The following CRYBB2 variants were observed in gnomAD, a reference collection of about 807,000 sequenced individuals.
CRYBB2 encodes the protein crystallin beta B2, also known as beta-crystallin B2.
A neutral mutation model predicts 24.3 loss-of-function variants in CRYBB2; 12 were observed. The ratio of observed to expected loss-of-function variants is 0.49; its 90% CI spans 0.32 to 0.80. The LOEUF (loss-of-function observed/expected upper bound fraction) is 0.80. Ranked by LOEUF, CRYBB2 falls within the 30% of genes least tolerant of loss-of-function variation. The pLI is 0.04. For synonymous variants in CRYBB2, 98 were observed against 101.6 expected (o/e 0.96, Z 0.21); for missense variants, 198 against 268.5 (o/e 0.74, Z 1.83).
upstream of CRYBB2, among the ~76,000 whole-genome samples, chr22:25,217,959 C>G (rs1935198542): frequency 6.6e-6 from 1 of 151,978 alleles, no homozygotes; most frequent in Non-Finnish European, 1.5e-5. Flanking sequence ...GGTGTGTGCA[C>G]TAAAGAAACA....
chr22:25,217,109 C>A (rs956260472), upstream of CRYBB2, among the ~76,000 whole-genome samples: 1 of 151,810 alleles, frequency 6.6e-6, no homozygotes, highest in African/African-American at 2.4e-5. Flanking sequence ...CTTCAATTCC[C>A]TGCTTTCAAT....
chr22:25,218,316 G>A (rs1484008306), upstream of CRYBB2, among the ~76,000 whole-genome samples: 3 of 150,666 alleles, frequency 2.0e-5, no homozygotes, highest in Non-Finnish European at 3.0e-5. Context: ...ATGTGGCAGC[G>A]ATGGGGCCAG....
chr22:25,218,236 GC>G (rs1438652243), upstream of CRYBB2, among the ~76,000 whole-genome samples: 3 of 150,644 alleles, frequency 2.0e-5, no homozygotes, highest in African/African-American at 7.3e-5. Context: ...TCCAGCCTGG[GC>G]GACAGAGCGA....
At chr22:25,230,038 C>A (rs1055296212) in intron 5 of CRYBB2, among the ~76,000 whole-genome samples, 1 of 152,026 alleles carries the variant, frequency 6.6e-6, no homozygotes. Context: ...GGCACATCGA[C>A]CCTGGCCATC....
chr22:25,228,099 C>T (rs1210247131), intron 4 of CRYBB2, 114 bp downstream of exon 4: 36 of 1,511,902 alleles, frequency 2.4e-5, no homozygotes, highest in Non-Finnish European at 2.8e-5. Context: ...CCCTCTAGCA[C>T]TGTGCCCCTT....
intron 5 of CRYBB2, among the ~76,000 whole-genome samples, chr22:25,230,818 A>T (rs5996862): frequency 0.5 from 72,565 of 145,390 alleles, 19,944 homozygotes; most frequent in African/African-American, 0.73. Context: ...GGGCAACTGT[A>T]AATACTTTAA....
intron 3 of CRYBB2, 64 bp downstream of exon 3, chr22:25,225,100 G>T: frequency 1.1e-6 from 1 of 904,518 alleles, no homozygotes; most frequent in South Asian, 1.3e-5. Context: ...TTGTGGAGTG[G>T]GGGAATCTAC....
At chr22:25,231,558 C>T in intron 5 of CRYBB2, 46 bp from the exon 6 acceptor site, 4 of 1,588,236 alleles carry the variant, frequency 2.5e-6, no homozygotes, top group Non-Finnish European at 1.7e-6. Context: ...GTCTGCTTCT[C>T]TTCCTGTCCC....
chr22:25,215,494 G>A (rs990952065), upstream of CRYBB2, among the ~76,000 whole-genome samples: 2 of 152,158 alleles, frequency 1.3e-5, no homozygotes, highest in Admixed American at 1.3e-4. Flanking sequence ...CAGCTCTGAA[G>A]GCTATGAGAC....
At chr22:25,227,230 C>G (rs987807265) in intron 3 of CRYBB2, among the ~76,000 whole-genome samples, 12 of 152,300 alleles carry the variant, frequency 7.9e-5, no homozygotes, top group African/African-American at 2.6e-4. Context: ...GACCTGAAAG[C>G]CATCCCTTCC....
intron 4 of CRYBB2, among the ~76,000 whole-genome samples, 164 bp from the exon 5 acceptor site, chr22:25,229,272 G>A (rs935817639): frequency 2.0e-5 from 3 of 152,158 alleles, no homozygotes; most frequent in African/African-American, 4.8e-5. Flanking sequence ...CTTAACAAAC[G>A]GCTGTGATCC....
upstream of CRYBB2, among the ~76,000 whole-genome samples, chr22:25,217,650 C>T (rs919633628): frequency 1.3e-4 from 20 of 152,170 alleles, no homozygotes; most frequent in African/African-American, 4.1e-4. Flanking sequence ...ACCTACTATG[C>T]GTCAGGCACT....
At chr22:25,222,577 GA>G (rs1206199613) in intron 2 of CRYBB2, among the ~76,000 whole-genome samples, 2 of 152,036 alleles carry the variant, frequency 1.3e-5, no homozygotes, top group African/African-American at 4.8e-5. Context: ...CATCTCCACA[GA>G]AAAATGAAAA....
At chr22:25,228,993 T>G (rs1009161052) in intron 4 of CRYBB2, among the ~76,000 whole-genome samples, 1 of 149,996 alleles carries the variant, frequency 6.7e-6, no homozygotes, top group African/African-American at 2.5e-5. Flanking sequence ...CATGTGTGGG[T>G]GTGCGTGTGT....
chr22:25,231,730 C>T lies in CRYBB2; in HGVS notation c.576C>T (p.Asp192=), dbSNP rs772800987. ...TGCAGTCCGTGCGCCGTATCCGCGA[C>T]ATGCAGTGGCACCAACGTGGTGCCT... is the stretch of plus-strand genomic sequence containing the variant. ...PQVQSVRRIR[D]MQWHQRGAFH... The change falls in exon 6 of 6, where the codon GAC becomes GAT. Residue 192 remains aspartate (D), a synonymous_variant. Transcript: ENST00000398215. 1.2e-6 allele frequency: 2 copies of T among 1,614,152 alleles called. No individual in the cohort carries two copies. The highest frequency in any genetic ancestry group is 2.2e-5 in the South Asian group (2 of 91,084).
upstream of CRYBB2, among the ~76,000 whole-genome samples, chr22:25,218,802 GA>G (rs1361363729): frequency 9.1e-6 from 1 of 110,308 alleles, no homozygotes; most frequent in Non-Finnish European, 1.8e-5. Flanking sequence ...AAGAAAGAAA[GA>G]AAGAAAGAAA....
intron 1 of CRYBB2, among the ~76,000 whole-genome samples, chr22:25,214,352 G>C (rs966411335): frequency 2.0e-5 from 3 of 152,130 alleles, no homozygotes; most frequent in Non-Finnish European, 1.5e-5. Flanking sequence ...TTTTAAAAAG[G>C]CAAAACATTT....
intron 5 of CRYBB2, among the ~76,000 whole-genome samples, chr22:25,229,977 C>G (rs1403447768): frequency 6.6e-6 from 1 of 151,010 alleles, no homozygotes; most frequent in Non-Finnish European, 1.5e-5. Flanking sequence ...CCGCGTGTGT[C>G]CCTAAGTTTG....
upstream of CRYBB2, among the ~76,000 whole-genome samples, chr22:25,216,939 T>G (rs1183348549): frequency 6.6e-6 from 1 of 152,230 alleles, no homozygotes; most frequent in Non-Finnish European, 1.5e-5. Context: ...CTCATCATGT[T>G]GGAGTCAGAA....
Sources: allele counts gnomAD v4.1 joint callset (sites outside exome capture counted in the v4.1 genomes callset), GRCh38; gene constraint gnomAD v4.1.1; transcripts MANE v1.5; gene names NCBI Gene and HGNC (gene_info 2026-07-23, HGNC 2026-07-21).